LDLRAP1: variants seen among roughly 807,000 people sequenced by gnomAD.
LDLRAP1 encodes low density lipoprotein receptor adapter protein 1.
In LDLRAP1, 30 loss-of-function variants were observed where a neutral mutation model predicts 37.8. The ratio of observed to expected loss-of-function variants is 0.79; its 90% confidence interval spans 0.59 to 1.08. LDLRAP1 has a LOEUF of 1.08. Among genes scored for constraint, LDLRAP1 ranks in the 50% least tolerant of loss-of-function variants. The pLI is 0.00. For synonymous variants in LDLRAP1, 156 were observed against 169.8 expected (o/e 0.92, Z 0.63); for missense variants, 375 against 401.6 (o/e 0.93, Z 0.57).
chr1:25,570,181 A>G (rs1055448191), downstream of LDLRAP1, among the ~76,000 whole-genome samples: 2 of 152,216 alleles, frequency 1.3e-5, no homozygotes, highest in African/African-American at 4.8e-5. Flanking sequence ...GATGACTAAG[A>G]AATCCTCCCC....
chr1:25,582,455 T>C, the LDLRAP1 span, among the ~76,000 whole-genome samples: 605 of 150,424 alleles, frequency 4.0e-3, 3 homozygotes, highest in Middle Eastern at 6.8e-3. Flanking sequence ...CATGGTGGCA[T>C]GCACCTGTAG....
chr1:25,584,887 C>G, the LDLRAP1 span, among the ~76,000 whole-genome samples: 8 of 152,210 alleles, frequency 5.3e-5, no homozygotes, highest in African/African-American at 1.7e-4. Flanking sequence ...CTATCCTGTT[C>G]CACCTATAAC....
At chr1:25,583,414 A>C in the LDLRAP1 span, among the ~76,000 whole-genome samples, 1 of 151,892 alleles carries the variant, frequency 6.6e-6, no homozygotes, top group South Asian at 2.1e-4. Context: ...GCTGGTCTCG[A>C]ACTTCTGACC....
chr1:25,583,051 G>T, the LDLRAP1 span, among the ~76,000 whole-genome samples: 2 of 151,540 alleles, frequency 1.3e-5, no homozygotes, highest in East Asian at 3.9e-4. Flanking sequence ...CAGCTTGGGG[G>T]ACAGAGTGAG....
rs144789866 is a variant in LDLRAP1, at chr1:25,548,335, CTTTTTTT to C, written c.88+4573_88+4579del. 3.4e-4 allele frequency among the ~76,000 whole-genome samples: 28 copies of C among 82,314 alleles called. No homozygotes were observed. In the South Asian group the frequency reaches 4.8e-3, roughly 14 times the overall value. The allele number at this position is 82,314 out of a possible 152,430, so 54.0% of individuals were successfully genotyped here. A position where few individuals can be genotyped will look rare whatever the true frequency, so the allele number is the denominator to read the frequency against. On this transcript the variant is annotated intron_variant, in intron 1 of 8. Coordinates refer to ENST00000374338, the MANE Select transcript of LDLRAP1 (RefSeq NM_015627.3). ...CAAGACAACCCCATGGATGGATACT[CTTTTTTT>C]TTTTTTTTTTTTTTTTTTTTTTTAA...
rs2124696923 is a variant in LDLRAP1, at chr1:25,565,187, C to T, written c.762C>T (p.Gly254=). 1 of 1,614,170 alleles carries T rather than the reference C, an allele frequency of 6.2e-7. No individual in the cohort carries two copies. The highest frequency in any genetic ancestry group is 1.1e-5 in the South Asian group (1 of 91,090). The change falls in exon 8 of 9, where the codon GGC becomes GGT. Residue 254 remains glycine, a synonymous_variant. Coordinates refer to ENST00000374338, the MANE Select transcript of LDLRAP1 (RefSeq NM_015627.3). ...TTTTCCCCAAGGAGCTGGATGATGG[C>T]CTGGATGAAGCGTTTTCGAGGTAAT... ...GSSVVWELDD[G]LDEAFSRLAQ...
intron 7 of LDLRAP1, 43 bp from the exon 8 acceptor site, chr1:25,565,130 T>A (rs377711170): frequency 2.5e-5 from 41 of 1,608,888 alleles, no homozygotes; most frequent in Non-Finnish European, 6.8e-6. Context: ...GAGCATGGGC[T>A]CCCCCAAACA....
At chr1:25,569,699 A>G (rs2044576309), downstream of LDLRAP1, among the ~76,000 whole-genome samples, 1 of 152,198 alleles carries the variant, frequency 6.6e-6, no homozygotes, top group South Asian at 2.1e-4. Context: ...GTGTTAACTG[A>G]GCTCTTACTA....
chr1:25,575,405 G>A, the LDLRAP1 span, among the ~76,000 whole-genome samples: 1 of 137,220 alleles, frequency 7.3e-6, no homozygotes, highest in Non-Finnish European at 1.5e-5. Context: ...GAGCAACCTG[G>A]AGAAACCCTG....
intron 1 of LDLRAP1, among the ~76,000 whole-genome samples, chr1:25,552,342 A>G (rs548488243): frequency 2.0e-5 from 3 of 152,298 alleles, no homozygotes; most frequent in South Asian, 2.1e-4. Flanking sequence ...TTTCAATCAG[A>G]GCCAGTGAGG....
chr1:25,551,124 C>G (rs868078984), intron 1 of LDLRAP1, among the ~76,000 whole-genome samples: 1 of 152,004 alleles, frequency 6.6e-6, no homozygotes, highest in African/African-American at 2.4e-5. Context: ...GAGAAAGGAT[C>G]AGAGGGAAGT....
At chr1:25,576,637 C>T in the LDLRAP1 span, among the ~76,000 whole-genome samples, 2 of 152,256 alleles carry the variant, frequency 1.3e-5, no homozygotes, top group Non-Finnish European at 2.9e-5. Flanking sequence ...GTGGCTGTTA[C>T]TACTGAGGCT....
intron 8 of LDLRAP1, 25 bp downstream of exon 8, chr1:25,565,232 T>C (rs189878853): frequency 1.2e-5 from 19 of 1,613,716 alleles, no homozygotes; most frequent in African/African-American, 4.0e-5. Flanking sequence ...CTGTGCTGGG[T>C]AGGGGGCCTG....
intron 1 of LDLRAP1, among the ~76,000 whole-genome samples, chr1:25,549,377 G>C (rs1010822141): frequency 6.6e-6 from 1 of 152,222 alleles, no homozygotes; most frequent in African/African-American, 2.4e-5. Context: ...TTTGGCTGCA[G>C]CTCTGATGTT....
the LDLRAP1 span, among the ~76,000 whole-genome samples, chr1:25,576,857 C>A: frequency 6.6e-6 from 1 of 152,260 alleles, no homozygotes; most frequent in Non-Finnish European, 1.5e-5. Context: ...GGCTGCCCCT[C>A]CTGATGTGGA....
rs529005321 is a variant in LDLRAP1 at position 25,557,205 on chromosome 1, G to A, written c.397G>A (p.Ala133Thr). ...KMHDKVFAYIAQSQHNQSLEC... is the reference protein window; with the variant it reads ...KMHDKVFAYITQSQHNQSLEC... ...GCACGACAAGGTGTTTGCATACATC[G>A]CCCAGAGCCAGCACAACCAGAGCCT... The change falls in exon 4 of 9, where the codon GCC (alanine) becomes ACC (threonine). Residue 133 changes from alanine to threonine, a missense_variant. Transcript: ENST00000374338. 38 of 1,614,110 alleles carry A rather than the reference G, an allele frequency of 2.4e-5. 1 individual carries two copies. In the African/African-American group the frequency reaches 2.9e-4, roughly 12 times the overall value.
At chr1:25,583,922 G>A in the LDLRAP1 span, among the ~76,000 whole-genome samples, 4 of 152,238 alleles carry the variant, frequency 2.6e-5, no homozygotes, top group East Asian at 7.7e-4. Flanking sequence ...CTCGCTCTGT[G>A]GGATGTTTTC....
At position 25,553,914 on chromosome 1, in the gene LDLRAP1, T is replaced by G; in HGVS notation, c.89-8T>G. The G allele has an allele frequency of 6.2e-7, 1 of 1,613,408 alleles. No homozygotes were observed. Among genetic ancestry groups the G allele is most frequent in the Non-Finnish European group, 8.5e-7 (1 of 1,179,888 alleles). ...CAGGGTCTGAGGGCCTACCCTGTGC[T>G]ACCCCAGAGCTGCCTGAGAACTGGA... is the stretch of plus-strand genomic sequence containing the variant. On this transcript the variant is annotated splice_region_variant and splice_polypyrimidine_tract_variant and intron_variant, in intron 1 of 8. Transcript: ENST00000374338.
At chr1:25,578,643 T>G in the LDLRAP1 span, among the ~76,000 whole-genome samples, 1 of 152,144 alleles carries the variant, frequency 6.6e-6, no homozygotes, top group Non-Finnish European at 1.5e-5. Context: ...GCCTGTTGAA[T>G]AGCTGGGACG....
Sources: gnomAD v4.1 joint callset for allele counts (sites outside exome capture counted in the v4.1 genomes callset) on GRCh38, gnomAD v4.1.1 for gene constraint, MANE v1.5 for transcripts, NCBI Gene and HGNC (gene_info 2026-07-23, HGNC 2026-07-21) for gene names.